Variants in LEPR observed in about 807,000 individuals in gnomAD.
The protein encoded by LEPR is OB receptor.
Under a neutral mutation model 114.7 loss-of-function variants are expected in LEPR, and 56 were observed. The ratio of observed to expected loss-of-function variants is 0.49; its 90% CI spans 0.39 to 0.61. The LOEUF is 0.61. Ranked by LOEUF, LEPR falls within the 20% of genes least tolerant of loss-of-function variation. The probability of loss-of-function intolerance (pLI) is 0.00; values close to 1 mark genes in which losing one functional copy is unlikely to be tolerated. For synonymous variants in LEPR, 443 were observed against 461.4 expected, an observed-to-expected ratio of 0.96 and a Z score of 0.51; for missense variants, 1,202 against 1,352.9, an observed-to-expected ratio of 0.89 and a Z score of 1.75.
chr1:65,511,976 GA>G (rs1181974064), intron 2 of LEPR, among the ~76,000 whole-genome samples: 1 of 152,196 alleles, frequency 6.6e-6, no homozygotes, highest in Non-Finnish European at 1.5e-5. Context: ...GACTGTACAG[GA>G]AGCGTAGTGA....
chr1:65,509,703 AAC>A (rs1213568442), intron 2 of LEPR, among the ~76,000 whole-genome samples: 1 of 152,186 alleles, frequency 6.6e-6, no homozygotes, highest in African/African-American at 2.4e-5. Context: ...AAAAGGAATT[AAC>A]ACACAATTGT....
intron 5 of LEPR, among the ~76,000 whole-genome samples, chr1:65,592,363 C>T (rs1287657475): frequency 7.2e-6 from 1 of 139,440 alleles, no homozygotes; most frequent in East Asian, 2.1e-4. Flanking sequence ...GCCTTTATTT[C>T]ATCATTATTT....
chr1:65,537,313 AACTT>A lies in LEPR; in HGVS notation c.-20-28227_-20-28224del, dbSNP rs1650846311. ...ATAATCCATGTACATGGTTAAAAAA[AACTT>A]ACTTATGTATAAACCAGTAGCCCTC... On this transcript the variant is annotated intron_variant, in intron 2 of 19. Coordinates refer to ENST00000349533, the MANE Select transcript of LEPR (RefSeq NM_002303.6). Among the ~76,000 whole-genome samples, 3 of 152,168 alleles carry A rather than the reference AACTT, an allele frequency of 2.0e-5. No homozygotes were observed. In the East Asian group the frequency reaches 5.8e-4, roughly 29 times the overall value.
chr1:65,615,960 A>G (rs765025396), intron 14 of LEPR, 48 bp from the exon 15 acceptor site: 1 of 1,610,700 alleles, frequency 6.2e-7, no homozygotes, highest in Non-Finnish European at 8.5e-7. Flanking sequence ...CAGTTAGTAT[A>G]AAAAGCACTG....
intron 2 of LEPR, among the ~76,000 whole-genome samples, chr1:65,550,939 T>C (rs1025394147): frequency 5.9e-5 from 9 of 152,082 alleles, no homozygotes; most frequent in African/African-American, 2.2e-4. Context: ...AGACCAGAGC[T>C]GTTCCTATTC....
chr1:65,428,753 A>T (rs768146560), intron 2 of LEPR, among the ~76,000 whole-genome samples: 1 of 152,206 alleles, frequency 6.6e-6, no homozygotes, highest in Admixed American at 6.5e-5. Flanking sequence ...GAAATGAAGC[A>T]TAAGAAATGT....
chr1:65,437,044 TC>T (rs1037658361), intron 2 of LEPR, among the ~76,000 whole-genome samples: 1 of 152,152 alleles, frequency 6.6e-6, no homozygotes, highest in Non-Finnish European at 1.5e-5. Context: ...CTCCAGTACT[TC>T]CAACCATCCC....
At position 65,616,236 on chromosome 1, in the gene LEPR, T is replaced by A. The variant is rs772896211; in HGVS notation, c.2212+12T>A. ...GCCTATGAGCAAAGGTAAGAAGAGG[T>A]ACAGAGTGGTAATCCATTGCCTCTT... On this transcript the variant is annotated intron_variant, in intron 15 of 19. Transcript: ENST00000349533. 7 of 1,612,282 alleles carry A rather than the reference T, an allele frequency of 4.3e-6. No individual in the cohort carries two copies. In the East Asian group the frequency reaches 1.6e-4, roughly 36 times the overall value.
intron 2 of LEPR, among the ~76,000 whole-genome samples, 190 bp from the exon 3 acceptor site, chr1:65,565,356 T>C (rs1653659072): frequency 6.6e-6 from 1 of 152,254 alleles, no homozygotes; most frequent in Non-Finnish European, 1.5e-5. Context: ...TGATGTAAGA[T>C]AGGATGCGTA....
chr1:65,557,513 G>A lies in LEPR; in HGVS notation c.-20-8033G>A, dbSNP rs544720372. Reference sequence around the variant, plus strand: ...CAGCTCACTGCAACCTTCACCTCCCGGGTTCAAGTGATTCTCTTGCTTCAG... The same window carrying A: ...CAGCTCACTGCAACCTTCACCTCCCAGGTTCAAGTGATTCTCTTGCTTCAG... On this transcript the variant is annotated intron_variant, in intron 2 of 19. Transcript: ENST00000349533. Among the ~76,000 whole-genome samples the A allele has an allele frequency of 1.4e-4, 22 of 152,110 alleles. 1 individual carries two copies. The highest frequency in any genetic ancestry group is 5.1e-4 in the African/African-American group (21 of 41,478).
chr1:65,424,365 A>C (rs1239893683), intron 1 of LEPR, among the ~76,000 whole-genome samples: 2 of 152,196 alleles, frequency 1.3e-5, no homozygotes, highest in African/African-American at 4.8e-5. Flanking sequence ...TAATTTAAAG[A>C]AGGAGGGCTT....
chr1:65,497,567 A>G (rs923468537), intron 2 of LEPR, among the ~76,000 whole-genome samples: 1 of 152,120 alleles, frequency 6.6e-6, no homozygotes, highest in South Asian at 2.1e-4. Flanking sequence ...AAGGCAGGCT[A>G]CCTCATCCCT....
chr1:65,507,339 C>T (rs1193656521), intron 2 of LEPR, among the ~76,000 whole-genome samples: 2 of 151,996 alleles, frequency 1.3e-5, no homozygotes, highest in African/African-American at 4.8e-5. Context: ...GTGTGAGCCA[C>T]CATGCCCAAC....
chr1:65,599,407 G>C (rs968734848), intron 8 of LEPR, among the ~76,000 whole-genome samples: 1 of 152,118 alleles, frequency 6.6e-6, no homozygotes, highest in Non-Finnish European at 1.5e-5. Context: ...CTGGTTGTCC[G>C]ATCTGTCAAA....
chr1:65,423,491 G>A lies in LEPR; in HGVS notation c.-96-1812G>A, dbSNP rs551168169. Among the ~76,000 whole-genome samples the A allele has an allele frequency of 2.0e-5, 3 of 152,254 alleles. No homozygotes were observed. The South Asian group carries it at 6.2e-4, about 32-fold the overall frequency. ...GCTTTGACAGGCCTCATGGAGGAGG[G>A]GGTACTGCCGATGGTCAGGCACAGA... On this transcript the variant is annotated intron_variant, in intron 1 of 19. Transcript: ENST00000349533.
intron 5 of LEPR, among the ~76,000 whole-genome samples, chr1:65,580,433 A>G (rs1391081212): frequency 6.6e-6 from 1 of 152,242 alleles, no homozygotes; most frequent in Non-Finnish European, 1.5e-5. Context: ...TAAAAGGGAT[A>G]AAATCTAATG....
At chr1:65,421,401 G>A in intron 1 of LEPR, 1 of 1,536,086 alleles carries the variant, frequency 6.5e-7, no homozygotes, top group Non-Finnish European at 8.7e-7. Context: ...TCCCTTATCT[G>A]TATGGCTTCA....
chr1:65,432,002 A>C, intron 2 of LEPR: 2 of 1,486,524 alleles, frequency 1.3e-6, no homozygotes, highest in South Asian at 2.9e-5. Flanking sequence ...TTTTACTATG[A>C]AATTTAATAT....
chr1:65,604,015 T>G (rs1656639007), intron 10 of LEPR, among the ~76,000 whole-genome samples: 1 of 152,186 alleles, frequency 6.6e-6, no homozygotes, highest in Non-Finnish European at 1.5e-5. Context: ...TTCTTCAAAG[T>G]GTGAGGAATT....
Sources: gnomAD v4.1 joint callset for allele counts (sites outside exome capture counted in the v4.1 genomes callset) on GRCh38, gnomAD v4.1.1 for gene constraint, MANE v1.5 for transcripts, NCBI Gene and HGNC (gene_info 2026-07-23, HGNC 2026-07-21) for gene names.